EMG1: variants seen among roughly 807,000 people sequenced by gnomAD.
The protein encoded by EMG1 is ribosomal RNA small subunit methyltransferase NEP1.
A neutral mutation model predicts 26.9 loss-of-function variants in EMG1; 24 were observed. The ratio of observed to expected loss-of-function variants is 0.89; its 90% CI spans 0.65 to 1.26. The LOEUF (loss-of-function observed/expected upper bound fraction) is 1.26, where lower values mean the gene tolerates loss of function less well. Among genes scored for constraint, EMG1 ranks in the 50% most tolerant of loss-of-function variants. The pLI, the probability that EMG1 is intolerant of heterozygous loss-of-function variation, is 0.00. For synonymous variants in EMG1, 140 were observed against 112.6 expected (o/e 1.24, Z -1.54); for missense variants, 299 against 307.6 (o/e 0.97, Z 0.21).
downstream of EMG1, chr12:6,983,623 G>A (rs1229519405): frequency 4.9e-6 from 4 of 809,206 alleles, no homozygotes; most frequent in East Asian, 2.5e-5. Flanking sequence ...GGCATGAAAC[G>A]CAGCCCAGAG....
intron 7 of EMG1, among the ~76,000 whole-genome samples, chr12:6,996,292 C>T (rs1409026328): frequency 1.3e-5 from 2 of 152,198 alleles, no homozygotes; most frequent in Non-Finnish European, 2.9e-5. Context: ...ACCTCAGGTC[C>T]TTTGTAAAAT....
intron 3 of EMG1, 105 bp downstream of exon 3, chr12:6,974,798 G>A: frequency 8.3e-7 from 1 of 1,201,628 alleles, no homozygotes; most frequent in Non-Finnish European, 1.2e-6. Context: ...GAAAATGGGA[G>A]AACAACATGA....
In EMG1 at chr12:6,978,628, T is replaced by C; in HGVS notation, c.*2819T>C. 1 of 1,614,194 alleles carries C rather than the reference T, an allele frequency of 6.2e-7. No individual in the cohort carries two copies. ...TGTGACCAGCCAACAGGTGACATAT[T>C]TGTACAGCACAAACTTGCCCCAGAT... On this transcript the variant is annotated 3_prime_UTR_variant, in exon 6 of 6. Transcript: ENST00000599672.
chr12:6,973,914 C>G (rs896032694), intron 1 of EMG1, among the ~76,000 whole-genome samples: 1 of 152,226 alleles, frequency 6.6e-6, no homozygotes, highest in Admixed American at 6.5e-5. Context: ...AGGGTGGTGA[C>G]TCGATATTTT....
chr12:6,984,594 A>G (rs1555154570), downstream of EMG1, among the ~76,000 whole-genome samples: 3 of 152,024 alleles, frequency 2.0e-5, no homozygotes, highest in Non-Finnish European at 4.4e-5. Flanking sequence ...TTTTATTTTT[A>G]TTTATTTTGA....
In EMG1 at chr12:6,977,658, C is replaced by T; in HGVS notation, c.*1849C>T. 6.2e-7 allele frequency: 1 copy of T among 1,614,236 alleles called. No individual in the cohort carries two copies. Among genetic ancestry groups the T allele is most frequent in the Non-Finnish European group, 8.5e-7 (1 of 1,180,042 alleles). ...GGAAGCAGACCAGGTATCCTGAGTG[C>T]AGGCCGTGCCAGAGGGCCAGGAATA... is the stretch of plus-strand genomic sequence containing the variant. On this transcript the variant is annotated 3_prime_UTR_variant, in exon 6 of 6. Coordinates refer to ENST00000599672, the MANE Select transcript of EMG1 (RefSeq NM_006331.8). The surrounding 1 kb of genome is among the most constrained non-coding windows in gnomAD (Gnocchi z 4.5).
downstream of EMG1, among the ~76,000 whole-genome samples, chr12:6,990,488 G>T (rs1448935883): frequency 1.3e-5 from 2 of 150,352 alleles, no homozygotes; most frequent in African/African-American, 4.9e-5. Flanking sequence ...CAGCCTGGGC[G>T]ACACAGTGAG....
chr12:6,974,427 A>G lies in EMG1; in HGVS notation c.257A>G (p.Asp86Gly), dbSNP rs74435397. The part of the protein sequence containing the change: ...NGRDPGEARP[D>G]ITHQSLLMLM... ...CGGGACCCTGGGGAAGCGCGGCCAG[A>G]TATCACCCACCAGGTAACTCCAGGG... is the stretch of plus-strand genomic sequence containing the variant. The change falls in exon 2 of 6, where the codon GAT (aspartate) becomes GGT (glycine). Residue 86 changes from aspartate to glycine, a missense_variant. By Grantham distance (94) the Asp-to-Gly change is moderately conservative. Transcript: ENST00000599672. 7 of 1,613,580 alleles carry G rather than the reference A, an allele frequency of 4.3e-6. No homozygotes were observed. The highest frequency in any genetic ancestry group is 2.2e-5 in the South Asian group (2 of 91,058).
At chr12:6,992,935 G>GCA (rs1565602031), downstream of EMG1, among the ~76,000 whole-genome samples, 1 of 151,946 alleles carries the variant, frequency 6.6e-6, no homozygotes, top group African/African-American at 2.4e-5. Flanking sequence ...CTAATATAAT[G>GCA]TAAATGCAAT....
intron 7 of EMG1, among the ~76,000 whole-genome samples, chr12:6,993,331 G>A (rs782742599): frequency 6.6e-6 from 1 of 152,164 alleles, no homozygotes; most frequent in East Asian, 1.9e-4. Flanking sequence ...CTACTCAGGA[G>A]GCTGAGGGAG....
intron 3 of EMG1, 90 bp from the exon 4 acceptor site, chr12:6,975,000 C>G (rs1946376276): frequency 2.3e-6 from 3 of 1,293,314 alleles, no homozygotes. Context: ...ACAGGGAACT[C>G]ATCTTATCCA....
At chr12:6,983,605 G>A (rs1213381593), downstream of EMG1, 7 of 1,015,136 alleles carry the variant, frequency 6.9e-6, no homozygotes, top group East Asian at 7.3e-5. Flanking sequence ...TGGTTTGGAA[G>A]TTTATCTGGC....
At chr12:6,971,828 T>C (rs1555152330) in intron 1 of EMG1, among the ~76,000 whole-genome samples, 3 of 152,184 alleles carry the variant, frequency 2.0e-5, no homozygotes, top group African/African-American at 7.2e-5. Context: ...CTCTCTAATA[T>C]CCACCTATGA....
downstream of EMG1, chr12:6,983,515 C>T (rs781881565): frequency 2.5e-6 from 4 of 1,610,774 alleles, no homozygotes; most frequent in Admixed American, 1.7e-5. Context: ...AAGGTAATGC[C>T]GATAAAACAA....
chr12:6,990,306 G>A (rs1207518080), downstream of EMG1, among the ~76,000 whole-genome samples: 2 of 151,088 alleles, frequency 1.3e-5, no homozygotes, highest in East Asian at 3.9e-4. Flanking sequence ...TCAGGAGATC[G>A]AGACCATCCT....
Position 6,971,077 on chromosome 12 carries a change from C to A in EMG1, c.154C>A (p.Leu52Met). The A allele has an allele frequency of 6.2e-7, 1 of 1,610,746 alleles. No homozygotes were observed. The highest frequency in any genetic ancestry group is 1.1e-5 in the South Asian group (1 of 90,354). The change falls in exon 1 of 6, where the codon CTG becomes ATG. Residue 52 changes from leucine to methionine, a missense_variant. By Grantham distance (15) the Leu-to-Met change is conservative. Coordinates refer to ENST00000599672, the MANE Select transcript of EMG1 (RefSeq NM_006331.8). ...TATTGTGGTGCTGGAAGGGGCCAGT[C>A]TGGAGACAGTCAAGGTAGTTTGGGA... ...RLIVVLEGAS[L>M]ETVKVGKTYE...
chr12:6,977,340 C>G lies in EMG1; in HGVS notation c.*1531C>G. 1 of 1,613,828 alleles carries G rather than the reference C, an allele frequency of 6.2e-7. No individual in the cohort carries two copies. The highest frequency in any genetic ancestry group is 8.5e-7 in the Non-Finnish European group (1 of 1,179,718). Reference sequence around the variant, plus strand: ...CTTTGAGGTTGCAGTGAGTCCCTCCCAGTCTCACAAGCAGGCCTTCACTTG... The same window carrying G: ...CTTTGAGGTTGCAGTGAGTCCCTCCGAGTCTCACAAGCAGGCCTTCACTTG... On this transcript the variant is annotated 3_prime_UTR_variant, in exon 6 of 6. Coordinates refer to ENST00000599672, the MANE Select transcript of EMG1 (RefSeq NM_006331.8). The surrounding 1 kb of genome is among the most constrained non-coding windows in gnomAD (Gnocchi z 4.5).
chr12:6,994,051 G>A (rs182828585), intron 7 of EMG1, among the ~76,000 whole-genome samples: 3 of 152,294 alleles, frequency 2.0e-5, no homozygotes, highest in East Asian at 1.9e-4. Flanking sequence ...TGCCTAGGCC[G>A]GTCTTGAACT....
downstream of EMG1, chr12:6,982,824 C>T: frequency 7.5e-7 from 1 of 1,331,618 alleles, no homozygotes; most frequent in Non-Finnish European, 1.1e-6. Context: ...TTTTACACTC[C>T]CACCGTCCTG....
Sources: gnomAD v4.1 joint callset for allele counts (sites outside exome capture counted in the v4.1 genomes callset) on GRCh38, gnomAD v4.1.1 for gene constraint, Gnocchi (gnomAD v3.1) non-coding constraint, MANE v1.5 for transcripts, NCBI Gene and HGNC (gene_info 2026-07-23, HGNC 2026-07-21) for gene names.